Variants in KCTD16 observed in about 807,000 individuals in gnomAD.
KCTD16 encodes potassium channel tetramerization domain containing 16.
In KCTD16, 13 loss-of-function variants were observed where a neutral mutation model predicts 33.2. That is an observed-to-expected ratio of 0.39 (90% CI 0.25 to 0.62). The LOEUF (loss-of-function observed/expected upper bound fraction) is 0.62. KCTD16 is among the 20% of genes least tolerant of loss of function. The pLI is 0.50. For synonymous variants in KCTD16, 197 were observed against 195.3 expected (o/e 1.01, Z -0.07); for missense variants, 441 against 525.1 (o/e 0.84, Z 1.57).
chr5:144,276,521 T>A (rs1172040037), intron 3 of KCTD16, among the ~76,000 whole-genome samples: 2 of 152,342 alleles, frequency 1.3e-5, no homozygotes, highest in Middle Eastern at 3.4e-3. Flanking sequence ...TTATTTCTCC[T>A]AGTCTTCTAG....
chr5:144,344,352 G>C (rs900186877), intron 3 of KCTD16, among the ~76,000 whole-genome samples: 1 of 135,584 alleles, frequency 7.4e-6, no homozygotes, highest in African/African-American at 3.0e-5. Flanking sequence ...AGCCAAAATT[G>C]ACAAATGGGA....
intron 3 of KCTD16, among the ~76,000 whole-genome samples, chr5:144,471,624 G>A (rs941781393): frequency 2.0e-5 from 3 of 152,128 alleles, no homozygotes; most frequent in Admixed American, 6.5e-5. Flanking sequence ...CCTAGTAAAG[G>A]TAAAAAATGA....
intron 3 of KCTD16, among the ~76,000 whole-genome samples, chr5:144,317,103 G>A (rs1235065478): frequency 6.6e-6 from 1 of 152,094 alleles, no homozygotes; most frequent in Admixed American, 6.6e-5. Flanking sequence ...TGGGATTACA[G>A]GTGTGAGCCA....
At chr5:144,294,368 G>C (rs1306809222) in intron 3 of KCTD16, among the ~76,000 whole-genome samples, 3 of 152,096 alleles carry the variant, frequency 2.0e-5, no homozygotes, top group Admixed American at 2.0e-4. Flanking sequence ...CTATAATTCA[G>C]TACAGTTTGC....
At chr5:144,317,511 C>T (rs112493230) in intron 3 of KCTD16, among the ~76,000 whole-genome samples, 1,866 of 152,268 alleles carry the variant, frequency 0.012, 18 homozygotes, top group Non-Finnish European at 0.017. Flanking sequence ...ATTGGTCAAC[C>T]GGAGAAAGCC....
rs62376791 is a variant in KCTD16, at chr5:144,170,900, A to G, written c.-602A>G. The G allele has an allele frequency of 7.1e-6, 1 of 139,936 alleles. No individual in the cohort carries two copies. Among genetic ancestry groups the G allele is most frequent in the South Asian group, 2.1e-4 (1 of 4,794 alleles). 8.7% of individuals were successfully genotyped at this position (139,936 alleles called of 1,614,324 possible). A position where few individuals can be genotyped will look rare whatever the true frequency, so the allele number is the denominator to read the frequency against. ...ACCTAGGTGATGGAGGAAGACTGGG[A>G]GGCGCTAAAATGAGACAGACGGAGT... is the stretch of plus-strand genomic sequence containing the variant. On this transcript the variant is annotated 5_prime_UTR_variant, in exon 1 of 4. Transcript: ENST00000512467.
chr5:144,382,820 A>G (rs901281325), intron 3 of KCTD16, among the ~76,000 whole-genome samples: 6 of 152,290 alleles, frequency 3.9e-5, no homozygotes, highest in Non-Finnish European at 7.4e-5. Context: ...TTGGAGGTGC[A>G]TTGAGTTATT....
At chr5:144,284,119 C>T (rs958078250) in intron 3 of KCTD16, among the ~76,000 whole-genome samples, 3 of 152,158 alleles carry the variant, frequency 2.0e-5, no homozygotes, top group Non-Finnish European at 4.4e-5. Flanking sequence ...ACAACTTTAG[C>T]AAATAGAATA....
At chr5:144,240,779 G>A (rs1278552663) in intron 3 of KCTD16, among the ~76,000 whole-genome samples, 5 of 151,946 alleles carry the variant, frequency 3.3e-5, no homozygotes, top group Non-Finnish European at 5.9e-5. Flanking sequence ...TCCAATCTGG[G>A]TTTTTCTGAT....
At chr5:144,233,739 A>G (rs1223129054) in intron 3 of KCTD16, among the ~76,000 whole-genome samples, 2 of 152,178 alleles carry the variant, frequency 1.3e-5, no homozygotes, top group Non-Finnish European at 1.5e-5. Flanking sequence ...CAGATATTGA[A>G]TATAAAAGAA....
chr5:144,257,730 G>A (rs1313320294), intron 3 of KCTD16, among the ~76,000 whole-genome samples: 6 of 151,810 alleles, frequency 4.0e-5, no homozygotes, highest in East Asian at 1.9e-4. Context: ...CTCGTGATCC[G>A]CCTGCCTCAG....
At chr5:144,412,565 A>T (rs1460691534) in intron 3 of KCTD16, among the ~76,000 whole-genome samples, 1 of 152,138 alleles carries the variant, frequency 6.6e-6, no homozygotes, top group Non-Finnish European at 1.5e-5. Context: ...AGTGGATTCA[A>T]ATATACAGTT....
chr5:144,401,251 C>G (rs1213331182), intron 3 of KCTD16, among the ~76,000 whole-genome samples: 1 of 152,064 alleles, frequency 6.6e-6, no homozygotes, highest in Non-Finnish European at 1.5e-5. Context: ...CAGCACCAAT[C>G]ATATGAAATT....
chr5:144,212,857 C>T lies in KCTD16; in HGVS notation c.832+5311C>T, dbSNP rs1448614634. ...ATGGCATAATGAACTTTCATGTAAC[C>T]ATCACCCATCTCTAATAATTACCCT... On this transcript the variant is annotated intron_variant, in intron 3 of 3. Transcript: ENST00000512467. 2.6e-5 allele frequency among the ~76,000 whole-genome samples: 4 copies of T among 152,016 alleles called. No homozygotes were observed. In the East Asian group the frequency reaches 7.7e-4, roughly 29 times the overall value.
intron 3 of KCTD16, among the ~76,000 whole-genome samples, chr5:144,230,856 G>C (rs987795266): frequency 6.6e-6 from 1 of 152,216 alleles, no homozygotes; most frequent in Non-Finnish European, 1.5e-5. Context: ...TAAGAAGTTT[G>C]TCAGGCAGAC....
At chr5:144,408,122 G>C (rs556785739) in intron 3 of KCTD16, among the ~76,000 whole-genome samples, 1 of 152,288 alleles carries the variant, frequency 6.6e-6, no homozygotes, top group East Asian at 1.9e-4. Context: ...TGGCCACATT[G>C]TCTTCCACAA....
At chr5:144,356,033 A>G (rs1415780176) in intron 3 of KCTD16, among the ~76,000 whole-genome samples, 1 of 152,126 alleles carries the variant, frequency 6.6e-6, no homozygotes, top group Non-Finnish European at 1.5e-5. Flanking sequence ...AATTCTACTG[A>G]GTTTATTGCA....
intron 3 of KCTD16, among the ~76,000 whole-genome samples, chr5:144,451,485 AG>A (rs925043384): frequency 6.6e-6 from 1 of 152,170 alleles, no homozygotes; most frequent in African/African-American, 2.4e-5. Context: ...CATTAATTAC[AG>A]GTTAAAAATG....
At chr5:144,173,901 ATTT>A (rs58804094) in intron 1 of KCTD16, among the ~76,000 whole-genome samples, 35 of 140,826 alleles carry the variant, frequency 2.5e-4, no homozygotes, top group Admixed American at 4.9e-4. Context: ...TTCTTTTTGG[ATTT>A]TTTTTTTTTT....
Sources: gnomAD v4.1 joint callset for allele counts (sites outside exome capture counted in the v4.1 genomes callset) on GRCh38, gnomAD v4.1.1 for gene constraint, MANE v1.5 for transcripts, NCBI Gene and HGNC (gene_info 2026-07-23, HGNC 2026-07-21) for gene names.